Variants in CTNNA3 observed in about 807,000 individuals in gnomAD.
The protein encoded by CTNNA3 is catenin alpha-3.
In CTNNA3, 76 loss-of-function variants were observed where a neutral mutation model predicts 95.7. The ratio of observed to expected loss-of-function variants is 0.79; its 90% CI spans 0.66 to 0.96. The LOEUF is 0.96. Among genes scored for constraint, CTNNA3 ranks in the 40% least tolerant of loss-of-function variants. The pLI is 0.00. For synonymous variants in CTNNA3, 431 were observed against 374.4 expected, an observed-to-expected ratio of 1.15 and a Z score of -1.74; for missense variants, 1,191 against 1,089.8, an observed-to-expected ratio of 1.09 and a Z score of -1.31.
chr10:67,042,152 G>A (rs1854433477), intron 7 of CTNNA3, among the ~76,000 whole-genome samples: 1 of 152,126 alleles, frequency 6.6e-6, no homozygotes, highest in African/African-American at 2.4e-5. Flanking sequence ...ATTCTAAAAT[G>A]TGTTTTATGT....
chr10:66,404,449 G>A (rs1010060881), intron 11 of CTNNA3, among the ~76,000 whole-genome samples: 4 of 152,114 alleles, frequency 2.6e-5, no homozygotes, highest in Non-Finnish European at 5.9e-5. Context: ...AACTCCTAGC[G>A]CATACTTATT....
At chr10:66,021,852 C>CTTGTTTTTTTTTTTTTTTTTTTTTTTTTT (rs2079219262) in intron 15 of CTNNA3, among the ~76,000 whole-genome samples, 1 of 75,940 alleles carries the variant, frequency 1.3e-5, no homozygotes, top group Admixed American at 1.7e-4. Context: ...AGGATCTTGG[C>CTTGTTTTTTTTTTTTTTTTTTTTTTTTTT]TTTTTTTTTT....
chr10:66,424,095 A>T (rs1031566673), intron 11 of CTNNA3, among the ~76,000 whole-genome samples: 56 of 152,118 alleles, frequency 3.7e-4, no homozygotes, highest in African/African-American at 1.3e-3. Flanking sequence ...CAGTTTATTG[A>T]AGCTGCATTC....
intron 12 of CTNNA3, among the ~76,000 whole-genome samples, chr10:66,353,093 G>T (rs976814219): frequency 2.6e-5 from 4 of 151,934 alleles, no homozygotes; most frequent in African/African-American, 9.7e-5. Flanking sequence ...ATCTTTAAAT[G>T]ATATATATAT....
intron 2 of CTNNA3, among the ~76,000 whole-genome samples, chr10:67,637,380 A>G (rs191414184): frequency 1.4e-4 from 22 of 152,354 alleles, no homozygotes; most frequent in African/African-American, 4.3e-4. Flanking sequence ...GACCATATCT[A>G]TGTCTGATTC....
chr10:67,304,060 G>C (rs976315211), intron 5 of CTNNA3, among the ~76,000 whole-genome samples: 2 of 152,118 alleles, frequency 1.3e-5, no homozygotes, highest in Non-Finnish European at 2.9e-5. Flanking sequence ...CTTGTTCTTA[G>C]TTCTATACTA....
In CTNNA3 at chr10:65,912,992, A is replaced by T. The variant is rs1227864858; in HGVS notation, c.*7338T>A. ...GTCTCTGCAGAGCAGGGTGAAATGA[A>T]CAAGCAAGATAGTCAGAAACACCTC... is the stretch of plus-strand genomic sequence containing the variant. On this transcript the variant is annotated 3_prime_UTR_variant, in exon 18 of 18. Coordinates refer to ENST00000433211, the MANE Select transcript of CTNNA3 (RefSeq NM_013266.4). The T allele has an allele frequency of 6.6e-6, 1 of 152,150 alleles. No individual in the cohort carries two copies. The highest frequency in any genetic ancestry group is 1.5e-5 in the Non-Finnish European group (1 of 68,024). The allele number at this position is 152,150 out of a possible 1,614,324, so 9.4% of individuals were successfully genotyped here. A position where few individuals can be genotyped will look rare whatever the true frequency, so the allele number is the denominator to read the frequency against.
intron 10 of CTNNA3, among the ~76,000 whole-genome samples, chr10:66,540,718 T>G (rs1183002745): frequency 2.0e-5 from 3 of 151,904 alleles, no homozygotes; most frequent in African/African-American, 7.3e-5. Context: ...GCACCTAGTT[T>G]AAGGTTATCA....
chr10:67,331,199 C>T, intron 5 of CTNNA3, among the ~76,000 whole-genome samples: 1 of 152,110 alleles, frequency 6.6e-6, no homozygotes, highest in East Asian at 1.9e-4. Context: ...CCATATTTCC[C>T]AGTCTTCTAA....
At chr10:66,542,513 G>A (rs1481003568) in intron 10 of CTNNA3, among the ~76,000 whole-genome samples, 1 of 152,002 alleles carries the variant, frequency 6.6e-6, no homozygotes, top group African/African-American at 2.4e-5. Context: ...TGATAGACTG[G>A]ATTAAGAAAA....
intron 5 of CTNNA3, 83 bp downstream of exon 5, chr10:67,521,759 G>T: frequency 6.6e-7 from 1 of 1,524,836 alleles, no homozygotes; most frequent in South Asian, 1.3e-5. Context: ...AGTTTCCTCA[G>T]ACCCACCTGC....
At chr10:66,591,919 T>C (rs1461736765) in intron 10 of CTNNA3, among the ~76,000 whole-genome samples, 1 of 152,140 alleles carries the variant, frequency 6.6e-6, no homozygotes, top group East Asian at 1.9e-4. Context: ...ATTGCCCGTA[T>C]ATAACCCTAT....
chr10:66,618,439 T>A (rs564199115), intron 10 of CTNNA3, among the ~76,000 whole-genome samples: 1 of 152,148 alleles, frequency 6.6e-6, no homozygotes, highest in Non-Finnish European at 1.5e-5. Flanking sequence ...TTGACAAACC[T>A]GAGAAAAACA....
upstream of CTNNA3, among the ~76,000 whole-genome samples, chr10:67,696,527 G>T (rs1840967845): frequency 6.6e-6 from 1 of 152,140 alleles, no homozygotes; most frequent in Non-Finnish European, 1.5e-5. Context: ...ATGGCATCAA[G>T]GCCATGTGTC....
intron 7 of CTNNA3, among the ~76,000 whole-genome samples, chr10:66,990,482 G>T (rs534368195): frequency 2.6e-5 from 4 of 152,132 alleles, no homozygotes; most frequent in Non-Finnish European, 5.9e-5. Context: ...GTTTGCAGAC[G>T]GAACCTATTT....
At chr10:66,836,925 A>C (rs961685621) in intron 7 of CTNNA3, among the ~76,000 whole-genome samples, 6 of 152,110 alleles carry the variant, frequency 3.9e-5, no homozygotes, top group African/African-American at 1.4e-4. Flanking sequence ...TGCTGCCACA[A>C]CTGGCCAATC....
At chr10:67,075,109 A>T (rs978767628) in intron 7 of CTNNA3, among the ~76,000 whole-genome samples, 4 of 151,910 alleles carry the variant, frequency 2.6e-5, no homozygotes, top group Non-Finnish European at 4.4e-5. Flanking sequence ...ATTTGTAGTT[A>T]CTAAGGCTCA....
At chr10:67,376,928 T>C (rs1241338018) in intron 5 of CTNNA3, among the ~76,000 whole-genome samples, 1 of 152,144 alleles carries the variant, frequency 6.6e-6, no homozygotes, top group South Asian at 2.1e-4. Context: ...CTCAAAGATA[T>C]ATGTTAGAGC....
intron 5 of CTNNA3, among the ~76,000 whole-genome samples, chr10:67,259,458 T>C (rs1866502013): frequency 6.6e-6 from 1 of 152,010 alleles, no homozygotes; most frequent in African/African-American, 2.4e-5. Flanking sequence ...CTGAATACAA[T>C]CTTGGCTCAC....
Sources: gnomAD v4.1 joint callset for allele counts (sites outside exome capture counted in the v4.1 genomes callset) on GRCh38, gnomAD v4.1.1 for gene constraint, MANE v1.5 for transcripts, NCBI Gene and HGNC (gene_info 2026-07-23, HGNC 2026-07-21) for gene names.